SND1: variants seen among roughly 807,000 people sequenced by gnomAD.
The protein encoded by SND1 is staphylococcal nuclease domain-containing protein 1.
A neutral mutation model predicts 121.7 loss-of-function variants in SND1; 38 were observed. That is an observed-to-expected ratio of 0.31 (90% CI 0.24 to 0.41). The LOEUF is 0.41. Among genes scored for constraint, SND1 ranks in the 10% least tolerant of loss-of-function variants. The pLI, the probability that SND1 is intolerant of heterozygous loss-of-function variation, is 1.00. For synonymous variants in SND1, 401 were observed against 447.4 expected, an observed-to-expected ratio of 0.90 and a Z score of 1.31; for missense variants, 868 against 1,184.6, an observed-to-expected ratio of 0.73 and a Z score of 3.92.
chr7:128,079,337 G>T (rs1316626336), intron 17 of SND1, among the ~76,000 whole-genome samples: 1 of 152,246 alleles, frequency 6.6e-6, no homozygotes, highest in Non-Finnish European at 1.5e-5. Flanking sequence ...CCTCTGTCCT[G>T]ACTAGAGGCA....
At chr7:127,734,156 C>T (rs1231784859) in intron 10 of SND1, among the ~76,000 whole-genome samples, 2 of 152,218 alleles carry the variant, frequency 1.3e-5, no homozygotes, top group East Asian at 3.9e-4. Context: ...AATATCTCTG[C>T]AATTTCCTGT....
intron 16 of SND1, chr7:127,999,506 T>TCTCCA (rs1468654886): frequency 6.6e-6 from 1 of 152,028 alleles, no homozygotes; most frequent in African/African-American, 2.4e-5. Context: ...TCACTTTTCC[T>TCTCCA]CTCCATCTTT....
chr7:127,807,641 G>A, intron 11 of SND1, 68 bp downstream of exon 11: 2 of 1,216,730 alleles, frequency 1.6e-6, no homozygotes, highest in Admixed American at 1.7e-5. Flanking sequence ...GGAGGCAATT[G>A]TTATAAGCTG....
chr7:127,929,434 C>T (rs1333725665), intron 15 of SND1, 105 bp downstream of exon 15: 5 of 1,121,064 alleles, frequency 4.5e-6, no homozygotes, highest in Non-Finnish European at 6.6e-6. Flanking sequence ...AGCCCACCAG[C>T]ATGCTCTTCC....
In SND1 at chr7:128,089,667, G is replaced by A. The variant is rs200084233; in HGVS notation, c.2597G>A (p.Arg866His). ...VKEGLVMVEV[R>H]KEKQFQKVIT... ...GAAGGGCTGGTCATGGTGGAGGTGC[G>A]CAAGGAGAAACAGTTCCAGAAAGTG... The change falls in exon 22 of 24, where the codon CGC becomes CAC. Residue 866 changes from arginine to histidine, a missense_variant. This residue lies in a region of SND1 where 743 missense variants were observed against 1,071.3 expected (regional missense o/e 0.69). Coordinates refer to ENST00000354725, the MANE Select transcript of SND1 (RefSeq NM_014390.4). 1.7e-5 allele frequency: 28 copies of A among 1,614,118 alleles called. No homozygotes were observed. The highest frequency in any genetic ancestry group is 2.2e-5 in the South Asian group (2 of 91,086).
intron 10 of SND1, among the ~76,000 whole-genome samples, chr7:127,748,565 C>G (rs1797021105): frequency 6.6e-6 from 1 of 152,064 alleles, no homozygotes; most frequent in South Asian, 2.1e-4. Flanking sequence ...TTTCTTCTTC[C>G]CCTAAAGGAA....
At chr7:127,869,685 G>C (rs971652872) in intron 12 of SND1, among the ~76,000 whole-genome samples, 2 of 152,028 alleles carry the variant, frequency 1.3e-5, no homozygotes, top group Non-Finnish European at 2.9e-5. Flanking sequence ...AAACCAGGAA[G>C]TTTACATTGA....
At position 127,867,122 on chromosome 7, in the gene SND1, G is replaced by T. The variant is rs141883116; in HGVS notation, c.1344-20780G>T. On this transcript the variant is annotated intron_variant, in intron 12 of 23. Coordinates refer to ENST00000354725, the MANE Select transcript of SND1 (RefSeq NM_014390.4). ...GCCAAGTTAATTAGAATAATTAAAA[G>T]ACATTTTAATTCTGTCCCGTTTGCT... Among the ~76,000 whole-genome samples, 885 of 152,162 alleles carry T rather than the reference G, an allele frequency of 5.8e-3. 10 individuals carry two copies. The highest frequency in any genetic ancestry group is 0.02 in the African/African-American group (849 of 41,518).
chr7:127,656,366 A>G (rs1387846481), intron 1 of SND1, among the ~76,000 whole-genome samples: 1 of 143,644 alleles, frequency 7.0e-6, no homozygotes, highest in African/African-American at 2.6e-5. Flanking sequence ...TTTGTCGCCC[A>G]GGCTGGAGTG....
chr7:128,030,635 C>T (rs1792560567), intron 16 of SND1: 1 of 1,557,426 alleles, frequency 6.4e-7, no homozygotes. Flanking sequence ...GCCACAAGAG[C>T]TTCATGGTGT....
intron 15 of SND1, among the ~76,000 whole-genome samples, chr7:127,955,735 GTCT>G (rs974931301): frequency 7.2e-5 from 11 of 152,120 alleles, no homozygotes; most frequent in African/African-American, 2.7e-4. Flanking sequence ...CTCCTAACCA[GTCT>G]TCTTCTGTTC....
At chr7:128,053,004 C>T (rs1329777490) in intron 16 of SND1, among the ~76,000 whole-genome samples, 2 of 152,132 alleles carry the variant, frequency 1.3e-5, no homozygotes, top group Admixed American at 1.3e-4. Flanking sequence ...AAATCAAATG[C>T]ATTGAATAAA....
At chr7:127,724,992 C>A (rs191661408) in intron 10 of SND1, among the ~76,000 whole-genome samples, 43 of 151,984 alleles carry the variant, frequency 2.8e-4, no homozygotes, top group Middle Eastern at 6.8e-3. Context: ...CTTTCCTTGG[C>A]CTGAGATTAC....
In SND1 at chr7:128,074,510, G is replaced by A; in HGVS notation, c.1788G>A (p.Val596=). 1.2e-6 allele frequency: 2 copies of A among 1,611,270 alleles called. No individual in the cohort carries two copies. The highest frequency in any genetic ancestry group is 1.7e-5 in the Admixed American group (1 of 59,916). Residue 596 remains valine, a synonymous_variant, in exon 17 of 24, where the codon GTG becomes GTA. Transcript: ENST00000354725. ...KELVLQREVE[V]EVESMDKAGN... ...CTGTCTCTCTGTCCCAGGTGGAGGT[G>A]GAGGTGGAGAGCATGGACAAGGCCG...
At chr7:127,913,009 G>A (rs1800491591) in intron 14 of SND1, among the ~76,000 whole-genome samples, 1 of 152,192 alleles carries the variant, frequency 6.6e-6, no homozygotes, top group South Asian at 2.1e-4. Flanking sequence ...TCAGGCACCA[G>A]AGCAGATAAC....
At chr7:127,907,430 A>ACATATACG (rs556673425) in intron 14 of SND1, among the ~76,000 whole-genome samples, 20 of 152,222 alleles carry the variant, frequency 1.3e-4, no homozygotes, top group Non-Finnish European at 2.9e-4. Flanking sequence ...AATGTAATGC[A>ACATATACG]CATATACGTA....
intron 14 of SND1, among the ~76,000 whole-genome samples, chr7:127,920,999 C>A (rs1171100913): frequency 6.6e-6 from 1 of 152,108 alleles, no homozygotes; most frequent in Non-Finnish European, 1.5e-5. Context: ...AGCATAATTT[C>A]ATATGGTTAA....
intron 15 of SND1, among the ~76,000 whole-genome samples, chr7:127,962,200 A>C (rs1801748684): frequency 6.6e-6 from 1 of 152,176 alleles, no homozygotes; most frequent in Non-Finnish European, 1.5e-5. Flanking sequence ...TGCTGGAAGG[A>C]AGATGGGGAA....
At chr7:127,802,232 T>C (rs1798145748) in intron 10 of SND1, among the ~76,000 whole-genome samples, 1 of 152,164 alleles carries the variant, frequency 6.6e-6, no homozygotes, top group African/African-American at 2.4e-5. Context: ...GTCACAGGAA[T>C]GGCAGGGGCA....
Sources: gnomAD v4.1 joint callset for allele counts (sites outside exome capture counted in the v4.1 genomes callset) on GRCh38, gnomAD v4.1.1 for gene constraint, gnomAD v4.1.1 regional missense constraint, MANE v1.5 for transcripts, NCBI Gene and HGNC (gene_info 2026-07-23, HGNC 2026-07-21) for gene names.